Variants in PRR5 observed in about 807,000 individuals in gnomAD.
The protein encoded by PRR5 is proline-rich protein 5.
PRR5 carries 25 observed loss-of-function variants against 30.6 expected under a neutral mutation model. The ratio of observed to expected loss-of-function variants is 0.82; its 90% CI spans 0.60 to 1.14. The LOEUF is 1.14. Among genes scored for constraint, PRR5 ranks in the 50% most tolerant of loss-of-function variants. The probability of loss-of-function intolerance (pLI) is 0.00; values close to 1 mark genes in which losing one functional copy is unlikely to be tolerated. For missense variants in PRR5, 600 were observed against 547.1 expected (o/e 1.10, Z -0.96); for synonymous variants, 286 against 247.1 (o/e 1.16, Z -1.48).
chr22:44,703,463 G>A (rs1002427245), intron 1 of PRR5, among the ~76,000 whole-genome samples: 3 of 152,138 alleles, frequency 2.0e-5, no homozygotes, highest in Non-Finnish European at 4.4e-5. Flanking sequence ...CTGTCACTTG[G>A]ACACACGTTA....
At chr22:44,736,476 G>A (rs1013467362) in intron 7 of PRR5, among the ~76,000 whole-genome samples, 4 of 137,624 alleles carry the variant, frequency 2.9e-5, no homozygotes, top group East Asian at 4.4e-4. Context: ...CTGAGGCACG[G>A]GGGTGAGGTA....
intron 4 of PRR5, chr22:44,730,324 T>G (rs1260915248): frequency 1.0e-6 from 1 of 985,344 alleles, no homozygotes; most frequent in Non-Finnish European, 1.2e-6. Context: ...AAGATCTCTC[T>G]CGCCAGTTGT....
At chr22:44,699,931 T>G (rs1464055685), upstream of PRR5, among the ~76,000 whole-genome samples, 5 of 12,326 alleles carry the variant, frequency 4.1e-4, no homozygotes, top group African/African-American at 1.0e-3. Flanking sequence ...TGTTGTTGTT[T>G]TTGTTTTTTT....
upstream of PRR5, among the ~76,000 whole-genome samples, chr22:44,676,412 A>AAAAAAAAAAAG (rs1569060698): frequency 1.3e-5 from 2 of 148,458 alleles, no homozygotes; most frequent in African/African-American, 5.0e-5. Flanking sequence ...AAAAAAAAAA[A>AAAAAAAAAAAG]AAAGAAAGAA....
At chr22:44,723,211 G>C (rs541994602) in intron 2 of PRR5, among the ~76,000 whole-genome samples, 1 of 151,720 alleles carries the variant, frequency 6.6e-6, no homozygotes, top group African/African-American at 2.4e-5. Flanking sequence ...TTCGAACTTT[G>C]GACCTCAGGT....
At chr22:44,686,490 CCA>C (rs941473095) in intron 1 of PRR5, among the ~76,000 whole-genome samples, 1 of 151,142 alleles carries the variant, frequency 6.6e-6, no homozygotes, top group Non-Finnish European at 1.5e-5. Flanking sequence ...GTATGTGCCA[CCA>C]CGCCTGGCTA....
chr22:44,717,208 T>TTTTTTA (rs1929193276), intron 2 of PRR5, among the ~76,000 whole-genome samples: 1 of 150,052 alleles, frequency 6.7e-6, no homozygotes, highest in African/African-American at 2.5e-5. Flanking sequence ...TTTTTTTTTT[T>TTTTTTA]GAGACGTAGT....
chr22:44,733,710 G>C lies in PRR5; in HGVS notation c.556-1317G>C, dbSNP rs1366129999. On this transcript the variant is annotated intron_variant, in intron 6 of 7. Transcript: ENST00000336985. ...AACCAAGTCACTGCTCCTACAGGCA[G>C]ACAATTCCAGGGACACGTGGGGTCC... Among the ~76,000 whole-genome samples the C allele has an allele frequency of 2.6e-5, 4 of 152,320 alleles. No individual in the cohort carries two copies. In the South Asian group the frequency reaches 8.3e-4, roughly 32 times the overall value.
chr22:44,715,525 C>T (rs955272743), intron 2 of PRR5, among the ~76,000 whole-genome samples: 1 of 152,168 alleles, frequency 6.6e-6, no homozygotes, highest in African/African-American at 2.4e-5. Context: ...GCCGCTTGTT[C>T]AGGGTGTCCT....
At chr22:44,705,251 G>A (rs1197569490) in intron 1 of PRR5, among the ~76,000 whole-genome samples, 2 of 152,044 alleles carry the variant, frequency 1.3e-5, no homozygotes, top group Non-Finnish European at 2.9e-5. Flanking sequence ...TTGGCTTGTG[G>A]CTGCATCACT....
intron 2 of PRR5, among the ~76,000 whole-genome samples, chr22:44,721,840 G>T (rs1467763189): frequency 6.6e-6 from 1 of 152,256 alleles, no homozygotes; most frequent in Non-Finnish European, 1.5e-5. Flanking sequence ...TTGCTGAGCA[G>T]ACGCCCTCGG....
intron 1 of PRR5, among the ~76,000 whole-genome samples, chr22:44,671,558 GAGCCTTCAGA>G (rs1370232647): frequency 1.3e-5 from 2 of 152,206 alleles, no homozygotes; most frequent in Admixed American, 6.5e-5. Context: ...CCAGCAGGAG[GAGCCTTCAGA>G]AGCCAGGGAG....
intron 1 of PRR5, among the ~76,000 whole-genome samples, chr22:44,690,844 C>T (rs1160182627): frequency 1.3e-5 from 2 of 151,532 alleles, no homozygotes; most frequent in South Asian, 2.1e-4. Flanking sequence ...TCTCCTGGTT[C>T]GGGGGGTGGC....
chr22:44,723,041 A>G (rs1930179833), intron 2 of PRR5, among the ~76,000 whole-genome samples: 2 of 149,348 alleles, frequency 1.3e-5, no homozygotes, highest in Admixed American at 1.3e-4. Context: ...GCTGGAGTGC[A>G]GTGGTGCGAT....
upstream of PRR5, among the ~76,000 whole-genome samples, chr22:44,697,845 T>A (rs1462070459): frequency 1.3e-5 from 2 of 152,186 alleles, no homozygotes; most frequent in Admixed American, 1.3e-4. Flanking sequence ...CTTGGCAGCC[T>A]TGTGGGGACG....
At chr22:44,685,905 C>T (rs528677614) in intron 1 of PRR5, among the ~76,000 whole-genome samples, 67 of 152,356 alleles carry the variant, frequency 4.4e-4, no homozygotes, top group African/African-American at 1.5e-3. Context: ...CCCTGGCTTC[C>T]GTGGTACCAT....
At position 44,695,028 on chromosome 22, in the gene PRR5, A is replaced by G. The variant is rs534793412; in HGVS notation, c.-10-7464A>G. Among the ~76,000 whole-genome samples, 488 of 152,152 alleles carry G rather than the reference A, an allele frequency of 3.2e-3. 4 individuals are homozygous for G. Among genetic ancestry groups the G allele is most frequent in the African/African-American group, 0.011 (462 of 41,512 alleles). Reference sequence around the variant, plus strand: ...TCTACTAAAAATACAAAAATTAGCTAGGCGTGGTGGCAGGCACCTGTAATC... The same window carrying G: ...TCTACTAAAAATACAAAAATTAGCTGGGCGTGGTGGCAGGCACCTGTAATC... On this transcript the variant is annotated intron_variant, in intron 1 of 8. Coordinates refer to the PRR5 transcript ENST00000006251.
At position 44,737,394 on chromosome 22, in the gene PRR5, C is replaced by T. The variant is rs1923483688; in HGVS notation, c.*147C>T. ...CACTGGCCTTGGTCACTTTGTATTT[C>T]TGTCTTGGTTGGAAATACCATCAGC... On this transcript the variant is annotated 3_prime_UTR_variant, in exon 8 of 8. Coordinates refer to ENST00000336985, the MANE Select transcript of PRR5 (RefSeq NM_181333.4). The T allele has an allele frequency of 1.4e-6, 2 of 1,390,758 alleles. No individual in the cohort carries two copies. The highest frequency in any genetic ancestry group is 1.6e-5 in the South Asian group (1 of 64,226). 86.2% of individuals were successfully genotyped at this position (1,390,758 alleles called of 1,614,324 possible).
chr22:44,672,083 A>G (rs183300054), upstream of PRR5, among the ~76,000 whole-genome samples: 16 of 152,272 alleles, frequency 1.1e-4, no homozygotes, highest in Non-Finnish European at 1.6e-4. Flanking sequence ...ATTAATGTTA[A>G]TGTTGGGGTG....
Sources: gnomAD v4.1 joint callset for allele counts (sites outside exome capture counted in the v4.1 genomes callset) on GRCh38, gnomAD v4.1.1 for gene constraint, MANE v1.5 for transcripts, NCBI Gene and HGNC (gene_info 2026-07-23, HGNC 2026-07-21) for gene names.